PRKG1: variants seen among roughly 807,000 people sequenced by gnomAD.
PRKG1 encodes the protein cGMP-dependent protein kinase 1.
In PRKG1, 35 loss-of-function variants were observed where a neutral mutation model predicts 88.1. The observed-to-expected ratio is 0.40, with a 90% CI of 0.30 to 0.53. The LOEUF is 0.53. Among genes scored for constraint, PRKG1 ranks in the 20% least tolerant of loss-of-function variants. The pLI is 0.59. For synonymous variants in PRKG1, 303 were observed against 292.5 expected (o/e 1.04, Z -0.37); for missense variants, 540 against 839.8 (o/e 0.64, Z 4.41).
chr10:52,186,642 C>T (rs367563031), intron 9 of PRKG1, among the ~76,000 whole-genome samples: 1 of 151,972 alleles, frequency 6.6e-6, no homozygotes, highest in East Asian at 1.9e-4. Context: ...CTGGCCTCTA[C>T]CTACTAGATA....
intron 1 of PRKG1, among the ~76,000 whole-genome samples, chr10:51,139,067 T>A (rs528987836): frequency 6.6e-6 from 1 of 152,162 alleles, no homozygotes; most frequent in Non-Finnish European, 1.5e-5. Flanking sequence ...ATCTACTTAG[T>A]GTGGTATGTG....
chr10:52,040,632 G>C lies in PRKG1; in HGVS notation c.763-13852G>C, dbSNP rs142280587. Among the ~76,000 whole-genome samples the C allele has an allele frequency of 1.2e-3, 187 of 152,252 alleles. 1 individual carries two copies. The highest frequency in any genetic ancestry group is 4.3e-3 in the African/African-American group (180 of 41,556). ...AAATCTCTGAAAGGAAATGGGAACA[G>C]TTTGACTTCCTCCTTTCCAATTTGG... On this transcript the variant is annotated intron_variant, in intron 5 of 17. Transcript: ENST00000373980.
chr10:51,182,959 T>A (rs1226109444), intron 2 of PRKG1, among the ~76,000 whole-genome samples: 1 of 152,130 alleles, frequency 6.6e-6, no homozygotes, highest in Non-Finnish European at 1.5e-5. Context: ...AAAAGTAGAA[T>A]CACAATAATT....
At chr10:51,724,564 C>A (rs1842086895) in intron 3 of PRKG1, among the ~76,000 whole-genome samples, 1 of 152,108 alleles carries the variant, frequency 6.6e-6, no homozygotes, top group Non-Finnish European at 1.5e-5. Context: ...GATTATTATT[C>A]TTTAAATTGA....
chr10:52,063,393 C>G (rs1041488686), intron 7 of PRKG1, among the ~76,000 whole-genome samples: 1 of 152,242 alleles, frequency 6.6e-6, no homozygotes, highest in Non-Finnish European at 1.5e-5. Context: ...TTAGAGACAC[C>G]AGGAACTGCA....
intron 1 of PRKG1, among the ~76,000 whole-genome samples, chr10:51,145,163 G>C (rs1045752204): frequency 6.6e-6 from 1 of 152,100 alleles, no homozygotes; most frequent in South Asian, 2.1e-4. Flanking sequence ...GTAACATCAT[G>C]GCACTCAATG....
At chr10:51,704,238 C>CAGAG in intron 3 of PRKG1, among the ~76,000 whole-genome samples, 1 of 144,232 alleles carries the variant, frequency 6.9e-6, no homozygotes, top group South Asian at 2.1e-4. Flanking sequence ...GATAGATAGA[C>CAGAG]AGACAGACAG....
At chr10:51,721,494 A>G (rs1349076037) in intron 3 of PRKG1, among the ~76,000 whole-genome samples, 3 of 152,116 alleles carry the variant, frequency 2.0e-5, no homozygotes, top group Non-Finnish European at 2.9e-5. Flanking sequence ...AGAACTAGAG[A>G]AATCTTTGGT....
rs150295348 is a variant in PRKG1, at chr10:52,163,225, TTG to T, written c.1076+1284_1076+1285del. 7.0e-4 allele frequency among the ~76,000 whole-genome samples: 102 copies of T among 146,594 alleles called. 1 individual carries two copies. The highest frequency in any genetic ancestry group is 3.1e-3 in the East Asian group (16 of 5,092). On this transcript the variant is annotated intron_variant, in intron 9 of 17. Coordinates refer to ENST00000373980, the MANE Select transcript of PRKG1 (RefSeq NM_006258.4). ...TATGTCAGCTTATCTTTTCGTGTGT[TTG>T]TGTGTGTGTGTGTGTGTGTGTATTC...
chr10:51,923,974 T>C (rs1469197016), intron 5 of PRKG1, among the ~76,000 whole-genome samples: 1 of 151,896 alleles, frequency 6.6e-6, no homozygotes, highest in East Asian at 1.9e-4. Context: ...ACCACAGGTG[T>C]GCACCATCAC....
At chr10:51,113,728 TAAA>T (rs59764267) in intron 1 of PRKG1, among the ~76,000 whole-genome samples, 2 of 92,416 alleles carry the variant, frequency 2.2e-5, no homozygotes, top group South Asian at 9.5e-4. Context: ...GCATTCTATT[TAAA>T]AAAAAAAAAA....
chr10:51,695,697 G>C (rs1841271499), intron 3 of PRKG1: 1 of 152,110 alleles, frequency 6.6e-6, no homozygotes, highest in African/African-American at 2.4e-5. Flanking sequence ...TATAGGGGAG[G>C]CATATAGGAA....
At chr10:51,451,863 G>T (rs1839447086) in intron 2 of PRKG1, among the ~76,000 whole-genome samples, 1 of 151,300 alleles carries the variant, frequency 6.6e-6, no homozygotes, top group Admixed American at 6.6e-5. Context: ...ATTACAGTTG[G>T]TGAAACATGT....
intron 9 of PRKG1, among the ~76,000 whole-genome samples, chr10:52,195,372 T>C (rs1311824351): frequency 2.0e-5 from 3 of 152,196 alleles, no homozygotes; most frequent in Admixed American, 2.0e-4. Flanking sequence ...TCAAAGAGCA[T>C]GCATAAGATA....
At position 51,345,955 on chromosome 10, in the gene PRKG1, T is replaced by G. The variant is rs116296183; in HGVS notation, c.479-121768T>G. ...TTCTGGAGATTATGTTCAGTACAGA[T>G]AGCATTATTGGTACAATTTCAAGGC... is the stretch of plus-strand genomic sequence containing the variant. On this transcript the variant is annotated intron_variant, in intron 2 of 17. Transcript: ENST00000373980. 2.9e-3 allele frequency among the ~76,000 whole-genome samples: 447 copies of G among 152,352 alleles called. 1 individual carries two copies. The highest frequency in any genetic ancestry group is 0.01 in the African/African-American group (428 of 41,584).
At chr10:51,608,371 G>C (rs1156920947) in intron 3 of PRKG1, among the ~76,000 whole-genome samples, 1 of 152,192 alleles carries the variant, frequency 6.6e-6, no homozygotes, top group East Asian at 1.9e-4. Flanking sequence ...CCAGAGTGTA[G>C]AGATTATTGA....
intron 3 of PRKG1, among the ~76,000 whole-genome samples, chr10:51,773,162 A>T (rs1276521826): frequency 6.6e-6 from 1 of 152,002 alleles, no homozygotes; most frequent in Non-Finnish European, 1.5e-5. Flanking sequence ...GCCCAATTTT[A>T]GTTGTGTTTA....
At chr10:51,402,289 G>A (rs1837762742) in intron 2 of PRKG1, among the ~76,000 whole-genome samples, 3 of 152,118 alleles carry the variant, frequency 2.0e-5, no homozygotes, top group Admixed American at 2.0e-4. Flanking sequence ...ATATTGGAAG[G>A]GAGGCAAAAT....
chr10:51,129,234 G>T (rs906796534), intron 1 of PRKG1, among the ~76,000 whole-genome samples: 3 of 152,108 alleles, frequency 2.0e-5, no homozygotes, highest in African/African-American at 7.2e-5. Flanking sequence ...TTAGCACTTT[G>T]GGAGGTAGAG....
Sources: allele counts gnomAD v4.1 joint callset (sites outside exome capture counted in the v4.1 genomes callset), GRCh38; gene constraint gnomAD v4.1.1; transcripts MANE v1.5; gene names NCBI Gene and HGNC (gene_info 2026-07-23, HGNC 2026-07-21).